CSMD1: variants seen among roughly 807,000 people sequenced by gnomAD.
CSMD1 encodes the protein CUB and Sushi multiple domains 1.
In CSMD1, 213 loss-of-function variants were observed where a neutral mutation model predicts 417.5. The observed-to-expected ratio is 0.51, with a 90% CI of 0.46 to 0.57. The LOEUF is 0.57. Ranked by LOEUF, CSMD1 falls within the 20% of genes least tolerant of loss-of-function variation. The probability of loss-of-function intolerance (pLI) is 0.00; values close to 1 mark genes in which losing one functional copy is unlikely to be tolerated. For synonymous variants in CSMD1, 2,862 were observed against 1,736.8 expected (o/e 1.65, Z -16.11); for missense variants, 6,923 against 4,529.7 (o/e 1.53, Z -15.17).
rs139403243 is a variant in CSMD1 at position 3,210,290 on chromosome 8, T to G, written c.4867+4207A>C. Reference sequence around the variant, plus strand: ...TTTGCATGTAAATGGAATCCTCCATTTGGGGAAATCAGTGTTTCATGCGCT... The same window carrying G: ...TTTGCATGTAAATGGAATCCTCCATGTGGGGAAATCAGTGTTTCATGCGCT... On this transcript the variant is annotated intron_variant, in intron 30 of 69. Transcript: ENST00000635120. Among the ~76,000 whole-genome samples, 485 of 152,206 alleles carry G rather than the reference T, an allele frequency of 3.2e-3. 4 individuals are homozygous for G. The highest frequency in any genetic ancestry group is 0.011 in the African/African-American group (454 of 41,526).
At chr8:3,725,073 T>G (rs2129045746) in intron 6 of CSMD1, among the ~76,000 whole-genome samples, 1 of 152,038 alleles carries the variant, frequency 6.6e-6, no homozygotes, top group South Asian at 2.1e-4. Context: ...AGGCAGGAGG[T>G]TAAGGGCCCT....
intron 1 of CSMD1, among the ~76,000 whole-genome samples, chr8:4,694,320 A>G (rs1192163197): frequency 6.6e-6 from 1 of 152,040 alleles, no homozygotes. Context: ...GCCTTTCTGG[A>G]CCAAACCAAA....
chr8:3,878,200 G>C (rs1294476379), intron 5 of CSMD1, among the ~76,000 whole-genome samples: 1 of 152,040 alleles, frequency 6.6e-6, no homozygotes, highest in African/African-American at 2.4e-5. Flanking sequence ...TTGTAGTTCA[G>C]GGATAAAACT....
chr8:2,956,127 T>G (rs1004021105), intron 63 of CSMD1, among the ~76,000 whole-genome samples: 1 of 152,078 alleles, frequency 6.6e-6, no homozygotes, highest in Non-Finnish European at 1.5e-5. Context: ...ACTACCGAAA[T>G]AAATATGTTA....
At chr8:3,588,387 A>T (rs1563178056) in intron 8 of CSMD1, among the ~76,000 whole-genome samples, 1 of 152,192 alleles carries the variant, frequency 6.6e-6, no homozygotes, top group Non-Finnish European at 1.5e-5. Context: ...CTCGGGTAGG[A>T]AGAGTTGGAA....
At chr8:3,893,406 G>T (rs147745113) in intron 5 of CSMD1, among the ~76,000 whole-genome samples, 2,139 of 134,230 alleles carry the variant, frequency 0.016, 54 homozygotes, top group African/African-American at 0.053. Context: ...TGACCTTGAA[G>T]CTTAACAAAA....
chr8:3,476,921 A>C (rs1443541920), intron 11 of CSMD1, among the ~76,000 whole-genome samples: 2 of 151,912 alleles, frequency 1.3e-5, no homozygotes, highest in Non-Finnish European at 2.9e-5. Flanking sequence ...TCAAAAAAAA[A>C]AAAAAAAAAA....
At chr8:3,375,210 C>G (rs1260856791) in intron 18 of CSMD1, 1 of 152,216 alleles carries the variant, frequency 6.6e-6, no homozygotes, top group East Asian at 1.9e-4. Context: ...GGAGTCACCT[C>G]TCTCTCCTAA....
chr8:4,395,295 A>T (rs987204452), intron 3 of CSMD1, among the ~76,000 whole-genome samples: 1 of 152,188 alleles, frequency 6.6e-6, no homozygotes, highest in Non-Finnish European at 1.5e-5. Flanking sequence ...GGCTTTTGCT[A>T]ATTCTTCATA....
chr8:3,667,265 A>G (rs184677332), intron 7 of CSMD1, among the ~76,000 whole-genome samples: 4 of 152,316 alleles, frequency 2.6e-5, no homozygotes, highest in Admixed American at 6.5e-5. Flanking sequence ...AATAGGTTTT[A>G]TGATATGTCA....
chr8:4,235,367 TTTTG>T (rs560567851), intron 3 of CSMD1, among the ~76,000 whole-genome samples: 1,873 of 151,996 alleles, frequency 0.012, 17 homozygotes, highest in South Asian at 0.032. Flanking sequence ...TTTGTTTTTT[TTTTG>T]TTTGTTTGTT....
chr8:3,447,598 AG>A (rs1815381951), intron 12 of CSMD1, among the ~76,000 whole-genome samples: 1 of 152,190 alleles, frequency 6.6e-6, no homozygotes, highest in Non-Finnish European at 1.5e-5. Flanking sequence ...CCGTAGGATT[AG>A]CCCCTGCACA....
rs866611416 is a variant in CSMD1, at chr8:4,048,499, G to A, written c.416-16400C>T. Reference sequence around the variant, plus strand: ...TCCCCATTTTAAAGATGAACAAACTGAGGCAGAAAAGTTAAGGAACATCCC... The same window carrying A: ...TCCCCATTTTAAAGATGAACAAACTAAGGCAGAAAAGTTAAGGAACATCCC... On this transcript the variant is annotated intron_variant, in intron 3 of 69. Coordinates refer to ENST00000635120, the MANE Select transcript of CSMD1 (RefSeq NM_033225.6). 1.5e-4 allele frequency among the ~76,000 whole-genome samples: 23 copies of A among 152,224 alleles called. No homozygotes were observed. In the Middle Eastern group the frequency reaches 0.01, roughly 68 times the overall value.
In CSMD1 at chr8:4,574,193, C is replaced by G. The variant is rs569698177; in HGVS notation, c.302+63149G>C. Among the ~76,000 whole-genome samples, 8 of 152,246 alleles carry G rather than the reference C, an allele frequency of 5.3e-5. No individual in the cohort carries two copies. The South Asian group carries it at 1.7e-3, about 32-fold the overall frequency. On this transcript the variant is annotated intron_variant, in intron 2 of 69. Transcript: ENST00000635120. ...TCCAAAAAAAACCTCTTGCAGCTAG[C>G]TCGGTATCTGTCTGAACAGCTGCCG...
At chr8:4,060,758 C>A (rs1798929300) in intron 3 of CSMD1, among the ~76,000 whole-genome samples, 1 of 152,104 alleles carries the variant, frequency 6.6e-6, no homozygotes, top group African/African-American at 2.4e-5. Flanking sequence ...TCATGTTATT[C>A]TACCTATGTG....
At chr8:4,759,022 A>G (rs1811853095) in intron 1 of CSMD1, among the ~76,000 whole-genome samples, 1 of 152,208 alleles carries the variant, frequency 6.6e-6, no homozygotes, top group African/African-American at 2.4e-5. Context: ...GTTCCCCAGG[A>G]AACAGATGCG....
intron 41 of CSMD1, among the ~76,000 whole-genome samples, chr8:3,122,635 G>C (rs762838245): frequency 1.2e-4 from 18 of 152,164 alleles, no homozygotes; most frequent in African/African-American, 4.3e-4. Context: ...TAGTGAATGA[G>C]TCTCACGAGA....
chr8:4,643,554 G>A (rs1221859410), intron 1 of CSMD1, among the ~76,000 whole-genome samples: 2 of 152,002 alleles, frequency 1.3e-5, no homozygotes, highest in Non-Finnish European at 2.9e-5. Flanking sequence ...AAAATAAAAT[G>A]GTCCATTGCG....
intron 4 of CSMD1, among the ~76,000 whole-genome samples, chr8:4,026,413 T>G (rs919002542): frequency 6.6e-6 from 1 of 152,204 alleles, no homozygotes; most frequent in Non-Finnish European, 1.5e-5. Context: ...GGTGGCAGCA[T>G]AGGAAAGACA....
Sources: allele counts gnomAD v4.1 joint callset (sites outside exome capture counted in the v4.1 genomes callset), GRCh38; gene constraint gnomAD v4.1.1; transcripts MANE v1.5; gene names NCBI Gene and HGNC (gene_info 2026-07-23, HGNC 2026-07-21).